The following NCL variants were observed in gnomAD, a reference collection of about 807,000 sequenced individuals.
NCL encodes the protein nucleolin multifunctional protein.
In NCL, 4 loss-of-function variants were observed where a neutral mutation model predicts 77.7. The ratio of observed to expected loss-of-function variants is 0.05; its 90% confidence interval spans 0.03 to 0.12. The LOEUF (loss-of-function observed/expected upper bound fraction) is 0.12. Ranked by LOEUF, NCL falls within the 10% of genes least tolerant of loss-of-function variation. NCL has a pLI of 1.00. For synonymous variants in NCL, 344 were observed against 297.8 expected (o/e 1.16, Z -1.60); for missense variants, 763 against 860.9 (o/e 0.89, Z 1.42).
chr2:231,463,352 C>T (rs1033476667), intron 1 of NCL, 36 bp from the exon 2 acceptor site: 1 of 1,340,836 alleles, frequency 7.5e-7, no homozygotes, highest in Non-Finnish European at 1.1e-6. Context: ...ACACCTCCAC[C>T]TCGACATTTC....
rs142355913 is a variant in NCL, at chr2:231,456,299, G to A, written c.1706-163C>T. 134 of 964,872 alleles carry A rather than the reference G, an allele frequency of 1.4e-4. 1 individual carries two copies. The East Asian group carries it at 3.1e-3, about 22-fold the overall frequency. The allele number at this position is 964,872 out of a possible 1,614,324, so 59.8% of individuals were successfully genotyped here. ...CCTTAATTAAAGTAAAGGCTATTCT[G>A]GGTTTACATTTTTTAATTGCCATTG... On this transcript the variant is annotated intron_variant, in intron 11 of 13. Coordinates refer to ENST00000322723, the MANE Select transcript of NCL (RefSeq NM_005381.3).
chr2:231,464,449 G>A lies in NCL; in HGVS notation c.-96C>T, dbSNP rs529700889. 8.7e-6 allele frequency: 13 copies of A among 1,494,844 alleles called. No individual in the cohort carries two copies. The East Asian group carries it at 2.9e-4, about 34-fold the overall frequency. 92.6% of individuals were successfully genotyped at this position (1,494,844 alleles called of 1,614,324 possible). A position where few individuals can be genotyped will look rare whatever the true frequency, so the allele number is the denominator to read the frequency against. ...GGCCGCGGGTGCTGAAGATCCCGGA[G>A]CACGTACACCCGAAGGCCAGCGAGA... On this transcript the variant is annotated 5_prime_UTR_variant, in exon 1 of 14. Coordinates refer to ENST00000322723, the MANE Select transcript of NCL (RefSeq NM_005381.3).
At position 231,453,880 on chromosome 2, in the gene NCL, T is replaced by G. The variant is rs575615005; in HGVS notation, c.*1311A>C. 1 of 152,366 alleles carries G rather than the reference T, an allele frequency of 6.6e-6. No individual in the cohort carries two copies. Among genetic ancestry groups the G allele is most frequent in the East Asian group, 1.9e-4 (1 of 5,186 alleles). 9.4% of individuals were successfully genotyped at this position (152,366 alleles called of 1,614,324 possible). A position where few individuals can be genotyped will look rare whatever the true frequency, so the allele number is the denominator to read the frequency against. On this transcript the variant is annotated 3_prime_UTR_variant, in exon 14 of 14. Coordinates refer to ENST00000322723, the MANE Select transcript of NCL (RefSeq NM_005381.3). ...CACAGTTTGATTTCACTAGTTGGACTAGAACAGGTTTTTGGACTTGGCTAC... is the reference window on the plus strand; with the variant it reads ...CACAGTTTGATTTCACTAGTTGGACGAGAACAGGTTTTTGGACTTGGCTAC...
intron 7 of NCL, 163 bp from the exon 8 acceptor site, chr2:231,458,552 C>T: frequency 2.3e-6 from 2 of 878,640 alleles, no homozygotes; most frequent in Non-Finnish European, 3.4e-6. Context: ...GCAGTGTCAA[C>T]ACACAAGTGG....
intron 9 of NCL, chr2:231,457,384 T>TG: frequency 1.3e-6 from 1 of 746,670 alleles, no homozygotes; most frequent in Non-Finnish European, 2.4e-6. Flanking sequence ...CATGGTCAAG[T>TG]CATTTAAAGT....
chr2:231,459,550 C>T (rs536851244), intron 6 of NCL, among the ~76,000 whole-genome samples: 4 of 151,420 alleles, frequency 2.6e-5, no homozygotes, highest in African/African-American at 7.3e-5. Context: ...AGTACAGTGG[C>T]GCGAACTTGG....
rs113717220 is a variant in NCL, at chr2:231,455,391, C to A, written c.2056+10G>T. 7.4e-6 allele frequency: 12 copies of A among 1,613,716 alleles called. No homozygotes were observed. In the African/African-American group the frequency reaches 1.1e-4, roughly 14 times the overall value. On this transcript the variant is annotated intron_variant, in intron 13 of 13. Coordinates refer to ENST00000322723, the MANE Select transcript of NCL (RefSeq NM_005381.3). ...ATGCTATGTGGTGTCATTATCTCTGCGTGCCTTACCTCCAAAGCCTCCCCG... is the reference window on the plus strand; with the variant it reads ...ATGCTATGTGGTGTCATTATCTCTGAGTGCCTTACCTCCAAAGCCTCCCCG...
chr2:231,457,010 T>G lies in NCL; in HGVS notation c.1562A>C (p.Lys521Thr). 3 of 1,614,114 alleles carry G rather than the reference T, an allele frequency of 1.9e-6. No individual in the cohort carries two copies. Among genetic ancestry groups the G allele is most frequent in the Non-Finnish European group, 2.5e-6 (3 of 1,179,990 alleles). The change falls in exon 10 of 14, where the codon AAA (lysine) becomes ACA (threonine). Residue 521 changes from lysine (K) to threonine (T), a missense_variant. Lys to Thr is a moderately conservative substitution (Grantham distance 78). Coordinates refer to ENST00000322723, the MANE Select transcript of NCL (RefSeq NM_005381.3). The stretch of plus-strand genomic sequence containing the variant: ...AAAGGTATTATCTTACCCTTTAGAT[T>G]TGCCATTTTGGTTCTGGGGTACTTT... ...FIKVPQNQNG[K>T]SKGYAFIEFA...
Position 231,454,869 on chromosome 2 carries a change from AAAC to A in NCL, c.*319_*321del, listed in dbSNP as rs200489986. 0.053 allele frequency: 11,413 copies of A among 214,314 alleles called. 493 individuals carry two copies. The highest frequency in any genetic ancestry group is 0.12 in the Middle Eastern group (63 of 536). 13.3% of individuals were successfully genotyped at this position (214,314 alleles called of 1,614,324 possible). A position where few individuals can be genotyped will look rare whatever the true frequency, so the allele number is the denominator to read the frequency against. On this transcript the variant is annotated 3_prime_UTR_variant, in exon 14 of 14. Coordinates refer to ENST00000322723, the MANE Select transcript of NCL (RefSeq NM_005381.3). The stretch of plus-strand genomic sequence containing the variant: ...CGCAAAAAAAAAAAAAACAAAAACA[AAAC>A]AAAAAAAAGAAACAACAACAAAACC...
In NCL at chr2:231,461,763, T is replaced by G; in HGVS notation, c.390A>C (p.Pro130=). Reference sequence around the variant, plus strand: ...TCTTGCCATTCTTTGCCCCCTTGGCTGGGATGGCAGCACCCTTCTTACCAG... The same window carrying G: ...TCTTGCCATTCTTTGCCCCCTTGGCGGGGATGGCAGCACCCTTCTTACCAG... ...ATPGKKGAAI[P]AKGAKNGKNA... The change falls in exon 3 of 14, where the codon CCA becomes CCC. Residue 130 remains proline, a synonymous_variant. Coordinates refer to ENST00000322723, the MANE Select transcript of NCL (RefSeq NM_005381.3). 1 of 1,614,228 alleles carries G rather than the reference T, an allele frequency of 6.2e-7. No homozygotes were observed. Among genetic ancestry groups the G allele is most frequent in the South Asian group, 1.1e-5 (1 of 91,086 alleles).
intron 6 of NCL, 99 bp from the exon 7 acceptor site, chr2:231,459,224 C>A: frequency 1.5e-6 from 2 of 1,328,120 alleles, no homozygotes; most frequent in Non-Finnish European, 2.0e-6. Context: ...AAACAAAGAT[C>A]ACATTTTAAA....
intron 7 of NCL, 188 bp from the exon 8 acceptor site, chr2:231,458,577 C>A: frequency 1.4e-6 from 1 of 709,460 alleles, no homozygotes; most frequent in East Asian, 2.8e-5. Context: ...TCCATGTTGT[C>A]ACAGCTGATG....
chr2:231,456,313 T>A (rs902171401), intron 11 of NCL, 177 bp from the exon 12 acceptor site: 3 of 919,886 alleles, frequency 3.3e-6, no homozygotes, highest in South Asian at 1.6e-5. Context: ...TTACATTTTT[T>A]AATTGCCATT....
In NCL at chr2:231,460,568, G is replaced by T. The variant is rs138541823; in HGVS notation, c.812-4C>A. The stretch of plus-strand genomic sequence containing the variant: ...CCAGGTGCTTCTTTGACAGGCTCTG[G>T]ACAAGATGTCAAACAATGTATCACA... On this transcript the variant is annotated splice_polypyrimidine_tract_variant and splice_region_variant and intron_variant, in intron 4 of 13. Transcript: ENST00000322723. The T allele has an allele frequency of 3.1e-6, 5 of 1,614,098 alleles. No individual in the cohort carries two copies. Among genetic ancestry groups the T allele is most frequent in the African/African-American group, 1.3e-5 (1 of 74,998 alleles).
Position 231,456,664 on chromosome 2 carries a change from G to C in NCL, c.1672C>G (p.Gln558Glu), listed in dbSNP as rs765226655. 1 of 1,614,092 alleles carries C rather than the reference G, an allele frequency of 6.2e-7. No homozygotes were observed. Among genetic ancestry groups the C allele is most frequent in the Non-Finnish European group, 8.5e-7 (1 of 1,180,016 alleles). ...GCATTAGGTGATCCCCTGGGTCCTT[G>C]CAACTCCAGCCTGATTGCTCTGCCC... is the stretch of plus-strand genomic sequence containing the variant. ...IEGRAIRLEL[Q>E]GPRGSPNARS... Residue 558 changes from glutamine (Q) to glutamate (E), a missense_variant, in exon 11 of 14, where the codon CAA becomes GAA. Coordinates refer to ENST00000322723, the MANE Select transcript of NCL (RefSeq NM_005381.3).
In NCL at chr2:231,456,447, G is replaced by A. The variant is rs960789651; in HGVS notation, c.1705+184C>T. On this transcript the variant is annotated intron_variant, in intron 11 of 13. Transcript: ENST00000322723. Reference sequence around the variant, plus strand: ...TTGCTACTCTGAGTTGACACAGCTGGATCAGAACTTGACTATCTAGAGGAA... The same window carrying A: ...TTGCTACTCTGAGTTGACACAGCTGAATCAGAACTTGACTATCTAGAGGAA... The A allele has an allele frequency of 1.5e-5, 17 of 1,145,308 alleles. No homozygotes were observed. In the African/African-American group the frequency reaches 1.8e-4, roughly 12 times the overall value. 70.9% of individuals were successfully genotyped at this position (1,145,308 alleles called of 1,614,324 possible).
chr2:231,461,947 G>C lies in NCL; in HGVS notation c.206C>G (p.Thr69Arg). ...TGGTGTGGCAACTGCAACCTTTTTT[G>C]TTGGGGAAACGACCACCTTCTTTGC... ...TSAKKVVVSPTKKVAVATPAK... is the reference protein window; with the variant it reads ...TSAKKVVVSPRKKVAVATPAK... Residue 69 changes from threonine (T) to arginine (R), a missense_variant, in exon 3 of 14, where the codon ACA becomes AGA. By Grantham distance (71) the Thr-to-Arg change is moderately conservative (BLOSUM62 -1). This residue lies in a region of NCL where 590 missense variants were observed against 570.5 expected (regional missense o/e 1.03). Coordinates refer to ENST00000322723, the MANE Select transcript of NCL (RefSeq NM_005381.3). 6.2e-7 allele frequency: 1 copy of C among 1,607,106 alleles called. No individual in the cohort carries two copies. The highest frequency in any genetic ancestry group is 8.5e-7 in the Non-Finnish European group (1 of 1,173,694).
chr2:231,458,731 T>G (rs2046917250), intron 7 of NCL: 4 of 425,534 alleles, frequency 9.4e-6, no homozygotes, highest in Non-Finnish European at 4.1e-6. Flanking sequence ...AAAGATCCCT[T>G]TACGTTAATT....
Position 231,459,055 on chromosome 2 carries a change from C to T in NCL, c.1111G>A (p.Val371Ile). The change falls in exon 7 of 14, where the codon GTC becomes ATC. Residue 371 changes from valine to isoleucine, a missense_variant. By Grantham distance (29) the Val-to-Ile change is conservative. Coordinates refer to ENST00000322723, the MANE Select transcript of NCL (RefSeq NM_005381.3). ...TCTAGTTTAATTTCATTGCCAAAGA[C>T]TTTCAAACCAGTGAGTTCCAACGCT... ...EKALELTGLK[V>I]FGNEIKLEKP... The T allele has an allele frequency of 3.7e-6, 6 of 1,607,144 alleles. No individual in the cohort carries two copies. Among genetic ancestry groups the T allele is most frequent in the East Asian group, 2.2e-5 (1 of 44,458 alleles).
Sources: gnomAD v4.1 joint callset for allele counts (sites outside exome capture counted in the v4.1 genomes callset) on GRCh38, gnomAD v4.1.1 for gene constraint, gnomAD v4.1.1 regional missense constraint, MANE v1.5 for transcripts, NCBI Gene and HGNC (gene_info 2026-07-23, HGNC 2026-07-21) for gene names.